SLK: variants seen among roughly 807,000 people sequenced by gnomAD.
SLK encodes the protein STE20 like kinase.
A neutral mutation model predicts 147.7 loss-of-function variants in SLK; 67 were observed. The ratio of observed to expected loss-of-function variants is 0.45; its 90% confidence interval spans 0.37 to 0.56. SLK has a LOEUF of 0.56. Ranked by LOEUF, SLK falls within the 20% of genes least tolerant of loss-of-function variation. The pLI is 0.00. For synonymous variants in SLK, 441 were observed against 475.0 expected, an observed-to-expected ratio of 0.93 and a Z score of 0.93; for missense variants, 1,136 against 1,438.8, an observed-to-expected ratio of 0.79 and a Z score of 3.41.
intron 1 of SLK, among the ~76,000 whole-genome samples, chr10:103,971,303 C>T (rs1356394563): frequency 6.6e-6 from 1 of 151,872 alleles, no homozygotes; most frequent in Non-Finnish European, 1.5e-5. Context: ...GAGATGGAGT[C>T]CCTCTCTGTC....
chr10:104,021,598 T>A (rs779029606), intron 17 of SLK, 22 bp from the exon 18 acceptor site: 1 of 1,461,436 alleles, frequency 6.8e-7, no homozygotes, highest in South Asian at 1.2e-5. Context: ...GAAATTTTTT[T>A]AAATCCCAAC....
At chr10:104,012,208 T>A (rs867779019) in intron 13 of SLK, among the ~76,000 whole-genome samples, 2 of 151,996 alleles carry the variant, frequency 1.3e-5, no homozygotes, top group South Asian at 2.1e-4. Context: ...ATTAAAAAAA[T>A]TTTTTTTTAA....
intron 7 of SLK, 106 bp from the exon 8 acceptor site, chr10:104,001,338 C>T (rs1433568914): frequency 1.0e-5 from 9 of 864,124 alleles, no homozygotes; most frequent in Non-Finnish European, 1.3e-5. Context: ...ATTTTCCTGC[C>T]CACATGTTCA....
At chr10:103,990,989 G>A in intron 2 of SLK, 150 bp downstream of exon 2, 1 of 411,956 alleles carries the variant, frequency 2.4e-6, no homozygotes, top group Non-Finnish European at 4.2e-6. Context: ...GCTGATAAGA[G>A]AGTAATAACA....
At chr10:104,008,101 T>G in intron 11 of SLK, 76 bp from the exon 12 acceptor site, 2 of 1,141,030 alleles carry the variant, frequency 1.8e-6, no homozygotes, top group Non-Finnish European at 2.5e-6. Flanking sequence ...TTATGTTCTC[T>G]TAGGAAACAT....
At position 104,002,371 on chromosome 10, in the gene SLK, A is replaced by G; in HGVS notation, c.1193A>G (p.Asn398Ser). The G allele has an allele frequency of 6.2e-7, 1 of 1,613,656 alleles. No homozygotes were observed. ...DEPEKAVEDINEHITDAQLEA... is the reference protein window; with the variant it reads ...DEPEKAVEDISEHITDAQLEA... The stretch of plus-strand genomic sequence containing the variant: ...CCTGAAAAGGCTGTGGAGGATATTA[A>G]TGAACATATTACCGATGCTCAGTTA... The change falls in exon 9 of 19, where the codon AAT becomes AGT. Residue 398 changes from asparagine (N) to serine (S), a missense_variant. Around this residue, in one of 6 missense-constraint regions of SLK, gnomAD observed 516 missense variants for 531.3 expected, o/e 0.97. Transcript: ENST00000369755.
chr10:103,972,399 G>C (rs894851130), intron 1 of SLK, among the ~76,000 whole-genome samples: 1 of 152,166 alleles, frequency 6.6e-6, no homozygotes, highest in Non-Finnish European at 1.5e-5. Flanking sequence ...CCTGCCAGGC[G>C]CGGTGGCTCA....
At chr10:103,996,560 A>T (rs1473772331) in intron 4 of SLK, among the ~76,000 whole-genome samples, 1 of 151,534 alleles carries the variant, frequency 6.6e-6, no homozygotes, top group Non-Finnish European at 1.5e-5. Context: ...CACCACGCCC[A>T]GCTAATTTTT....
At chr10:104,011,869 C>A (rs991466474) in intron 13 of SLK, among the ~76,000 whole-genome samples, 2 of 152,126 alleles carry the variant, frequency 1.3e-5, no homozygotes, top group Non-Finnish European at 2.9e-5. Flanking sequence ...TTGGTGAATT[C>A]TTTACGAAGT....
chr10:104,001,391 CTTAG>C (rs1417554412), intron 7 of SLK, 49 bp from the exon 8 acceptor site: 1 of 1,434,138 alleles, frequency 7.0e-7, no homozygotes, highest in African/African-American at 1.4e-5. Context: ...GTGTTTGAAA[CTTAG>C]TTTAGTAGTA....
At chr10:103,972,567 G>A (rs1428076789) in intron 1 of SLK, among the ~76,000 whole-genome samples, 2 of 151,978 alleles carry the variant, frequency 1.3e-5, no homozygotes, top group East Asian at 3.9e-4. Context: ...AGCTACTCGG[G>A]AGGCTGAGGC....
intron 1 of SLK, among the ~76,000 whole-genome samples, chr10:103,985,607 TTTTGTTTG>T (rs1220877427): frequency 1.3e-5 from 2 of 152,172 alleles, no homozygotes; most frequent in Admixed American, 6.5e-5. Context: ...CTTACATATT[TTTTGTTTG>T]TTTGTTTGTT....
intron 4 of SLK, among the ~76,000 whole-genome samples, chr10:103,996,911 T>C (rs1183137499): frequency 6.6e-6 from 1 of 152,228 alleles, no homozygotes; most frequent in African/African-American, 2.4e-5. Flanking sequence ...TTTTTTATCG[T>C]AGGAAAATAT....
chr10:103,981,242 A>G (rs1843938432), intron 1 of SLK, among the ~76,000 whole-genome samples: 1 of 151,748 alleles, frequency 6.6e-6, no homozygotes, highest in African/African-American at 2.4e-5. Context: ...TATATTCTGG[A>G]TATTAATCCT....
chr10:103,999,674 A>G (rs1844219691), intron 6 of SLK, among the ~76,000 whole-genome samples, 193 bp from the exon 7 acceptor site: 1 of 152,122 alleles, frequency 6.6e-6, no homozygotes, highest in South Asian at 2.1e-4. Flanking sequence ...GTACCTACTT[A>G]CATATATGTC....
intron 13 of SLK, among the ~76,000 whole-genome samples, chr10:104,015,092 A>G (rs1401672813): frequency 6.6e-6 from 1 of 151,708 alleles, no homozygotes; most frequent in Non-Finnish European, 1.5e-5. Context: ...TATATTGATT[A>G]GTGTGTAAGG....
chr10:104,022,796 C>T (rs1191524125), intron 18 of SLK, among the ~76,000 whole-genome samples: 4 of 152,132 alleles, frequency 2.6e-5, no homozygotes, highest in Admixed American at 2.6e-4. Context: ...TCAGTAGAGA[C>T]GGGGCTTCGC....
intron 1 of SLK, among the ~76,000 whole-genome samples, chr10:103,988,762 C>T (rs1469236561): frequency 2.0e-5 from 3 of 151,570 alleles, no homozygotes; most frequent in Non-Finnish European, 4.4e-5. Context: ...TCTATATATG[C>T]CAGATAGTAT....
intron 18 of SLK, among the ~76,000 whole-genome samples, chr10:104,023,703 A>G (rs1296761132): frequency 6.6e-6 from 1 of 152,164 alleles, no homozygotes; most frequent in Non-Finnish European, 1.5e-5. Context: ...AACCCCAAAC[A>G]TTCTGTATCT....
Sources: allele counts gnomAD v4.1 joint callset (sites outside exome capture counted in the v4.1 genomes callset), GRCh38; gene constraint gnomAD v4.1.1; regional missense constraint gnomAD v4.1.1; transcripts MANE v1.5; gene names NCBI Gene and HGNC (gene_info 2026-07-23, HGNC 2026-07-21).